COL27A1: variants seen among roughly 807,000 people sequenced by gnomAD.
COL27A1 encodes the protein collagen alpha-1(XXVII) chain.
A neutral mutation model predicts 251.3 loss-of-function variants in COL27A1; 106 were observed. The ratio of observed to expected loss-of-function variants is 0.42; its 90% CI spans 0.36 to 0.50. COL27A1 has a LOEUF of 0.50. Among genes scored for constraint, COL27A1 ranks in the 20% least tolerant of loss-of-function variants. COL27A1 has a pLI of 0.00. For missense variants in COL27A1, 2,325 were observed against 2,522.8 expected, an observed-to-expected ratio of 0.92 and a Z score of 1.68; for synonymous variants, 1,000 against 986.3, an observed-to-expected ratio of 1.01 and a Z score of -0.26.
intron 10 of COL27A1, chr9:114,209,304 C>T: frequency 2.2e-6 from 1 of 458,872 alleles, no homozygotes; most frequent in South Asian, 1.8e-5. Context: ...GCCACGGGCA[C>T]CTACCAGCAT....
chr9:114,252,926 A>AC lies in COL27A1; in HGVS notation c.3139dup (p.Gln1047ProfsTer57). The AC allele has an allele frequency of 1.2e-6, 2 of 1,612,866 alleles. No homozygotes were observed. The highest frequency in any genetic ancestry group is 1.7e-6 in the Non-Finnish European group (2 of 1,179,234). On this transcript the variant is annotated frameshift_variant, in exon 27 of 61. Coordinates refer to ENST00000356083, the MANE Select transcript of COL27A1 (RefSeq NM_032888.4). LOFTEE classifies it high-confidence loss of function. ...GTATGGGGACCCCTGGAGAGCCTGG[A>AC]CCCCAGGTAAGCAAAGCCCTCGTGA...
chr9:114,159,371 C>T (rs964837558), intron 1 of COL27A1, among the ~76,000 whole-genome samples: 2 of 152,154 alleles, frequency 1.3e-5, no homozygotes, highest in Admixed American at 1.3e-4. Flanking sequence ...CTCTTCCCCA[C>T]CTCGCCTTTC....
Position 114,286,681 on chromosome 9 carries a change from T to C in COL27A1, c.3988-1774T>C, listed in dbSNP as rs574061627. Among the ~76,000 whole-genome samples, 11 of 152,278 alleles carry C rather than the reference T, an allele frequency of 7.2e-5. No homozygotes were observed. In the East Asian group the frequency reaches 1.9e-3, roughly 27 times the overall value. On this transcript the variant is annotated intron_variant, in intron 41 of 60. Coordinates refer to ENST00000356083, the MANE Select transcript of COL27A1 (RefSeq NM_032888.4). ...GGGTGCAGCACAGCAACATGGCACA[T>C]GTATACATATGTAACAAACCTGCAC...
intron 6 of COL27A1, among the ~76,000 whole-genome samples, chr9:114,194,985 T>A (rs567939503): frequency 6.6e-6 from 1 of 152,312 alleles, no homozygotes; most frequent in African/African-American, 2.4e-5. Flanking sequence ...AAGGCCTTCA[T>A]CCGTCTCTGA....
At chr9:114,178,735 C>G (rs187112133) in intron 4 of COL27A1, among the ~76,000 whole-genome samples, 10 of 152,158 alleles carry the variant, frequency 6.6e-5, no homozygotes, top group Admixed American at 6.5e-4. Flanking sequence ...AGTAGGGGTG[C>G]GGACATAGGT....
rs372146123 is a variant in COL27A1 at position 114,231,114 on chromosome 9, G to C, written c.2502G>C (p.Pro834=). ...GAGTGTTGGGTCCGATTGGCTACCC[G>C]GGACCCAAGGGCATGAAGGTAAGCA... ...DLGVLGPIGY[P]GPKGMKGLMG... The change falls in exon 15 of 61, where the codon CCG becomes CCC. Residue 834 remains proline, a synonymous_variant. Coordinates refer to ENST00000356083, the MANE Select transcript of COL27A1 (RefSeq NM_032888.4). 1 of 1,613,282 alleles carries C rather than the reference G, an allele frequency of 6.2e-7. No homozygotes were observed. The highest frequency in any genetic ancestry group is 2.2e-5 in the East Asian group (1 of 44,864).
At chr9:114,224,684 A>G (rs1032262591) in intron 14 of COL27A1, among the ~76,000 whole-genome samples, 2 of 117,974 alleles carry the variant, frequency 1.7e-5, no homozygotes, top group African/African-American at 6.8e-5. Context: ...ACAGGGTCTC[A>G]CTGTGTCTTC....
In COL27A1 at chr9:114,290,678, C is replaced by T. The variant is rs984602290; in HGVS notation, c.4369-132C>T. The T allele has an allele frequency of 7.4e-6, 5 of 674,582 alleles. No individual in the cohort carries two copies. The highest frequency in any genetic ancestry group is 4.1e-4 in the Middle Eastern group (1 of 2,438). The allele number at this position is 674,582 out of a possible 1,614,324, so 41.8% of individuals were successfully genotyped here. A position where few individuals can be genotyped will look rare whatever the true frequency, so the allele number is the denominator to read the frequency against. ...TGGTCCAGCCACATCACACACAGGC[C>T]GTCTGACCTCCATCCTGGAGTGTGA... is the stretch of plus-strand genomic sequence containing the variant. On this transcript the variant is annotated intron_variant, in intron 47 of 60. Transcript: ENST00000356083. The surrounding 1 kb of genome is among the most constrained non-coding windows in gnomAD (Gnocchi z 4.6).
intron 12 of COL27A1, among the ~76,000 whole-genome samples, chr9:114,213,101 G>T (rs1765169930): frequency 6.6e-6 from 1 of 152,232 alleles, no homozygotes; most frequent in African/African-American, 2.4e-5. Context: ...CAGTGTCACA[G>T]TTGGATTAGA....
chr9:114,270,798 G>A lies in COL27A1; in HGVS notation c.3609+17G>A. On this transcript the variant is annotated intron_variant, in intron 36 of 60. Transcript: ENST00000356083. ...GGGCTGAAGGTAAGTGCCCTTTTAG[G>A]GCAGGGCCTGGGGACCCCGGCAGGG... 6.2e-7 allele frequency: 1 copy of A among 1,606,530 alleles called. No individual in the cohort carries two copies. Among genetic ancestry groups the A allele is most frequent in the South Asian group, 1.1e-5 (1 of 90,664 alleles).
Position 114,290,444 on chromosome 9 carries a change from CA to C in COL27A1, c.4368+115del. On this transcript the variant is annotated intron_variant, in intron 47 of 60. Transcript: ENST00000356083. The surrounding 1 kb of genome is among the most constrained non-coding windows in gnomAD (Gnocchi z 4.6). ...GTTTGGAAACTTGGATGGGCAGAAC[CA>C]ACACATCCAGAAGTTCTCTGGGGTG... The C allele has an allele frequency of 1.1e-6, 1 of 904,660 alleles. No homozygotes were observed. Among genetic ancestry groups the C allele is most frequent in the Non-Finnish European group, 1.7e-6 (1 of 591,354 alleles). The allele number at this position is 904,660 out of a possible 1,614,324, so 56.0% of individuals were successfully genotyped here. A position where few individuals can be genotyped will look rare whatever the true frequency, so the allele number is the denominator to read the frequency against.
intron 3 of COL27A1, among the ~76,000 whole-genome samples, chr9:114,176,296 C>G (rs1827433810): frequency 6.6e-6 from 1 of 152,162 alleles, no homozygotes; most frequent in Admixed American, 6.5e-5. Context: ...TTGCTGTCCC[C>G]TAGAAACAGA....
chr9:114,283,202 C>T (rs923746812), intron 39 of COL27A1, among the ~76,000 whole-genome samples: 1 of 152,228 alleles, frequency 6.6e-6, no homozygotes, highest in Non-Finnish European at 1.5e-5. Context: ...TTTCAAGCCA[C>T]TGACATGACG....
intron 3 of COL27A1, among the ~76,000 whole-genome samples, chr9:114,171,396 C>G (rs1313642615): frequency 6.6e-6 from 1 of 152,130 alleles, no homozygotes; most frequent in African/African-American, 2.4e-5. Flanking sequence ...ATCTGGGGGA[C>G]TGGGGGCTTC....
At chr9:114,194,725 C>A (rs547933820) in intron 6 of COL27A1, among the ~76,000 whole-genome samples, 1 of 152,226 alleles carries the variant, frequency 6.6e-6, no homozygotes, top group South Asian at 2.1e-4. Context: ...TATGGACACA[C>A]GCTTGGTGAA....
At chr9:114,287,440 CTG>C (rs1401217804) in intron 41 of COL27A1, among the ~76,000 whole-genome samples, 3 of 152,146 alleles carry the variant, frequency 2.0e-5, no homozygotes, top group Non-Finnish European at 4.4e-5. Flanking sequence ...TACACCTGTC[CTG>C]TGGGTGGACC....
At chr9:114,187,745 T>C (rs1158202085) in intron 5 of COL27A1, among the ~76,000 whole-genome samples, 4 of 152,248 alleles carry the variant, frequency 2.6e-5, no homozygotes, top group Non-Finnish European at 5.9e-5. Flanking sequence ...TATGATTTAA[T>C]AGCTTCATGG....
intron 14 of COL27A1, among the ~76,000 whole-genome samples, chr9:114,230,190 A>C (rs914449875): frequency 5.3e-5 from 8 of 152,154 alleles, no homozygotes; most frequent in African/African-American, 1.4e-4. Flanking sequence ...CTGGGTGGAC[A>C]GGGAATGAAA....
intron 49 of COL27A1, among the ~76,000 whole-genome samples, chr9:114,292,813 G>T (rs920936013): frequency 5.9e-5 from 9 of 152,170 alleles, no homozygotes; most frequent in African/African-American, 2.2e-4. Context: ...AATATCAGAT[G>T]AAATGAATTT....
Sources: allele counts gnomAD v4.1 joint callset (sites outside exome capture counted in the v4.1 genomes callset), GRCh38; gene constraint gnomAD v4.1.1; non-coding constraint Gnocchi (gnomAD v3.1); transcripts MANE v1.5; gene names NCBI Gene and HGNC (gene_info 2026-07-23, HGNC 2026-07-21).